CEMIP: variants seen among roughly 807,000 people sequenced by gnomAD.
CEMIP encodes the protein cell migration inducing hyaluronidase 1.
In CEMIP, 105 loss-of-function variants were observed where a neutral mutation model predicts 156.9. The ratio of observed to expected loss-of-function variants is 0.67; its 90% CI spans 0.57 to 0.79. The LOEUF is 0.79. Among genes scored for constraint, CEMIP ranks in the 30% least tolerant of loss-of-function variants. CEMIP has a pLI of 0.00. For synonymous variants in CEMIP, 676 were observed against 668.4 expected, an observed-to-expected ratio of 1.01 and a Z score of -0.17; for missense variants, 1,457 against 1,769.4, an observed-to-expected ratio of 0.82 and a Z score of 3.17.
intron 23 of CEMIP, among the ~76,000 whole-genome samples, chr15:80,936,340 C>T (rs1261264152): frequency 6.6e-6 from 1 of 152,218 alleles, no homozygotes; most frequent in Non-Finnish European, 1.5e-5. Flanking sequence ...TTACTCCCTT[C>T]CTCCTCCGTC....
chr15:80,915,286 G>A lies in CEMIP; in HGVS notation c.1798-4808G>A, dbSNP rs368863563. On this transcript the variant is annotated intron_variant, in intron 14 of 29. Transcript: ENST00000394685. ...TTTGTTTCGGGAAGGGACGGTTATC[G>A]TTTTTGTTTCAAAGTTAAACTATAA... Among the ~76,000 whole-genome samples the A allele has an allele frequency of 7.6e-4, 116 of 152,300 alleles. 1 individual carries two copies. The South Asian group carries it at 0.022, about 29-fold the overall frequency.
chr15:80,919,543 G>A (rs1430904594), intron 14 of CEMIP, among the ~76,000 whole-genome samples: 1 of 152,066 alleles, frequency 6.6e-6, no homozygotes, highest in Non-Finnish European at 1.5e-5. Flanking sequence ...GCACGGCGCG[G>A]TGGCTCACAC....
intron 1 of CEMIP, among the ~76,000 whole-genome samples, chr15:80,834,406 T>G (rs1019197999): frequency 6.6e-6 from 1 of 152,250 alleles, no homozygotes; most frequent in Non-Finnish European, 1.5e-5. Flanking sequence ...GGAAACTTTA[T>G]TTTTGTCTTT....
At chr15:80,939,914 T>A (rs1220338269) in intron 25 of CEMIP, among the ~76,000 whole-genome samples, 1 of 152,144 alleles carries the variant, frequency 6.6e-6, no homozygotes, top group Non-Finnish European at 1.5e-5. Flanking sequence ...AGGGGTAAAA[T>A]TAAAATAAGT....
intron 1 of CEMIP, among the ~76,000 whole-genome samples, chr15:80,846,970 T>A (rs1897577162): frequency 6.6e-6 from 1 of 152,208 alleles, no homozygotes; most frequent in Non-Finnish European, 1.5e-5. Context: ...AGAATGAAGA[T>A]CTCCAGGAAA....
chr15:80,900,472 C>T (rs1899433229), intron 12 of CEMIP, among the ~76,000 whole-genome samples: 1 of 152,106 alleles, frequency 6.6e-6, no homozygotes, highest in African/African-American at 2.4e-5. Context: ...TACCTCCCTC[C>T]CTGAAGGACA....
intron 25 of CEMIP, among the ~76,000 whole-genome samples, chr15:80,940,884 C>G (rs1901310304): frequency 6.6e-6 from 1 of 152,204 alleles, no homozygotes; most frequent in Admixed American, 6.5e-5. Flanking sequence ...CTGCAAACTG[C>G]CTTCCTCTCG....
chr15:80,804,857 G>A lies in CEMIP; in HGVS notation c.-176+25243G>A, dbSNP rs186892961. On this transcript the variant is annotated intron_variant, in intron 1 of 29. Coordinates refer to ENST00000394685, the MANE Select transcript of CEMIP (RefSeq NM_001293298.2). ...ACAAGCAAAAGGGCCACATAGGAAA[G>A]GCTTTTGGTTGTTGCTTAATAAAAG... 3.3e-5 allele frequency among the ~76,000 whole-genome samples: 5 copies of A among 152,268 alleles called. No individual in the cohort carries two copies. In the East Asian group the frequency reaches 9.6e-4, roughly 29 times the overall value.
chr15:80,874,892 T>C (rs12439898), intron 3 of CEMIP, among the ~76,000 whole-genome samples: 73,373 of 152,014 alleles, frequency 0.48, 18,500 homozygotes, highest in East Asian at 0.72. Flanking sequence ...GAATAAAGAA[T>C]CTTACATTGA....
chr15:80,895,006 G>C lies in CEMIP; in HGVS notation c.1103G>C (p.Gly368Ala), dbSNP rs924925118. ...CATTCCCAGGCCACTACAATGGATG[G>C]AGTTAACCTCAGCACCGAGGTTGTC... is the stretch of plus-strand genomic sequence containing the variant. ...PIDIQATTMD[G>A]VNLSTEVVYK... The change falls in exon 11 of 30, where the codon GGA (glycine) becomes GCA (alanine). Residue 368 changes from glycine to alanine, a missense_variant. Transcript: ENST00000394685. 6.2e-7 allele frequency: 1 copy of C among 1,614,040 alleles called. No homozygotes were observed. The highest frequency in any genetic ancestry group is 8.5e-7 in the Non-Finnish European group (1 of 1,180,022).
At chr15:80,919,008 C>T (rs531726071) in intron 14 of CEMIP, among the ~76,000 whole-genome samples, 5 of 152,248 alleles carry the variant, frequency 3.3e-5, no homozygotes, top group South Asian at 2.1e-4. Flanking sequence ...CTAAGATCCC[C>T]GCGCTGCTTG....
chr15:80,879,315 A>G (rs984661887), intron 4 of CEMIP, among the ~76,000 whole-genome samples: 3 of 152,210 alleles, frequency 2.0e-5, no homozygotes, highest in Non-Finnish European at 2.9e-5. Flanking sequence ...TGTACCGAAC[A>G]TGTACAGATT....
intron 1 of CEMIP, among the ~76,000 whole-genome samples, chr15:80,829,561 C>G (rs1347644990): frequency 3.3e-5 from 5 of 152,160 alleles, no homozygotes; most frequent in Admixed American, 6.5e-5. Flanking sequence ...CCACGGAACC[C>G]TAGGATTTAC....
rs1381437147 is a variant in CEMIP, at chr15:80,826,188, G to A, written c.-176+46574G>A. ...TCAAAGATCTTATATTTTAGATAGT[G>A]TATTTTCTCCGGATGCTACAAATAC... On this transcript the variant is annotated intron_variant, in intron 1 of 29. Coordinates refer to ENST00000394685, the MANE Select transcript of CEMIP (RefSeq NM_001293298.2). 7.2e-4 allele frequency among the ~76,000 whole-genome samples: 109 copies of A among 152,184 alleles called. 2 individuals carry two copies. The highest frequency in any genetic ancestry group is 8.8e-5 in the Non-Finnish European group (6 of 68,042).
intron 14 of CEMIP, among the ~76,000 whole-genome samples, chr15:80,911,678 T>G (rs1171974819): frequency 6.6e-6 from 1 of 152,212 alleles, no homozygotes; most frequent in Non-Finnish European, 1.5e-5. Context: ...GATGGCTTCC[T>G]CTCAGGGTGG....
chr15:80,827,738 T>C (rs1897071585), intron 1 of CEMIP, among the ~76,000 whole-genome samples: 1 of 152,212 alleles, frequency 6.6e-6, no homozygotes, highest in African/African-American at 2.4e-5. Context: ...TGCATCTACA[T>C]ACCTGAGACT....
chr15:80,903,994 T>G (rs1179019699), intron 12 of CEMIP, among the ~76,000 whole-genome samples: 1 of 152,164 alleles, frequency 6.6e-6, no homozygotes, highest in African/African-American at 2.4e-5. Context: ...TGGGCTGCCC[T>G]GGAGGAGGGG....
chr15:80,882,825 GTTAC>G (rs1408220461), intron 6 of CEMIP, among the ~76,000 whole-genome samples: 12 of 152,052 alleles, frequency 7.9e-5, no homozygotes, highest in African/African-American at 2.4e-4. Flanking sequence ...ATCTGAGAAG[GTTAC>G]TTAGAGAAGC....
At chr15:80,916,476 G>T (rs938982298) in intron 14 of CEMIP, among the ~76,000 whole-genome samples, 4 of 152,210 alleles carry the variant, frequency 2.6e-5, no homozygotes, top group African/African-American at 9.7e-5. Context: ...AGAGAATGGG[G>T]GGAGAACTTA....
Sources: allele counts gnomAD v4.1 joint callset (sites outside exome capture counted in the v4.1 genomes callset), GRCh38; gene constraint gnomAD v4.1.1; transcripts MANE v1.5; gene names NCBI Gene and HGNC (gene_info 2026-07-23, HGNC 2026-07-21).